Variants in KIF26B observed in about 807,000 individuals in gnomAD.
KIF26B encodes the protein kinesin-like protein KIF26B.
Under a neutral mutation model 151.2 loss-of-function variants are expected in KIF26B, and 63 were observed. That is an observed-to-expected ratio of 0.42 (90% CI 0.34 to 0.51). The LOEUF is 0.51. KIF26B is among the 20% of genes least tolerant of loss of function. The pLI is 0.07. For synonymous variants in KIF26B, 1,357 were observed against 1,262.1 expected, an observed-to-expected ratio of 1.08 and a Z score of -1.59; for missense variants, 2,813 against 2,913.6, an observed-to-expected ratio of 0.97 and a Z score of 0.79.
intron 10 of KIF26B, among the ~76,000 whole-genome samples, chr1:245,660,679 A>G (rs1451852265): frequency 1.3e-5 from 2 of 152,088 alleles, no homozygotes; most frequent in African/African-American, 4.8e-5. Flanking sequence ...TAAGGTGGCT[A>G]CTTAGCTTGG....
intron 3 of KIF26B, among the ~76,000 whole-genome samples, chr1:245,400,159 A>T (rs542688037): frequency 3.3e-5 from 5 of 152,288 alleles, no homozygotes; most frequent in African/African-American, 1.2e-4. Flanking sequence ...CTGAGGGTGC[A>T]ATTTTATATA....
At chr1:245,616,301 G>A (rs76261752) in intron 9 of KIF26B, among the ~76,000 whole-genome samples, 1,630 of 152,292 alleles carry the variant, frequency 0.011, 33 homozygotes, top group African/African-American at 0.036. Context: ...CAGCCTCATG[G>A]AGGCCTTCCT....
chr1:245,530,502 T>C (rs1464200273), intron 4 of KIF26B, among the ~76,000 whole-genome samples: 1 of 152,200 alleles, frequency 6.6e-6, no homozygotes, highest in Non-Finnish European at 1.5e-5. Flanking sequence ...TCTTCAGCCA[T>C]AAAGAAGAAT....
intron 2 of KIF26B, among the ~76,000 whole-genome samples, chr1:245,350,031 C>T (rs558273166): frequency 6.6e-5 from 10 of 151,442 alleles, no homozygotes; most frequent in African/African-American, 2.2e-4. Flanking sequence ...CAAAAAAGTG[C>T]AGAGAGTATA....
chr1:245,613,311 A>T (rs1455659703), intron 9 of KIF26B, among the ~76,000 whole-genome samples: 5 of 152,186 alleles, frequency 3.3e-5, no homozygotes, highest in Admixed American at 6.5e-5. Flanking sequence ...GAATGAAGAC[A>T]TCCAAGTAGG....
intron 2 of KIF26B, among the ~76,000 whole-genome samples, chr1:245,333,741 T>C (rs1482508593): frequency 6.6e-6 from 1 of 152,246 alleles, no homozygotes; most frequent in East Asian, 1.9e-4. Context: ...CTCATACCTG[T>C]AATCCCAGCA....
intron 4 of KIF26B, among the ~76,000 whole-genome samples, chr1:245,539,730 G>A (rs973368257): frequency 1.3e-5 from 2 of 152,152 alleles, no homozygotes; most frequent in Non-Finnish European, 2.9e-5. Flanking sequence ...TGGGCTCACT[G>A]CAACCTCCGC....
rs537542978 is a variant in KIF26B, at chr1:245,268,197, C to T, written c.466-98637C>T. On this transcript the variant is annotated intron_variant, in intron 2 of 14. Transcript: ENST00000407071. The stretch of plus-strand genomic sequence containing the variant: ...TAAAGAAATAATAACAGGCCTGGCG[C>T]GGTGGCTCATGCCTGTAATCCCAGC... Among the ~76,000 whole-genome samples, 289 of 152,002 alleles carry T rather than the reference C, an allele frequency of 1.9e-3. 2 individuals are homozygous for T. Among genetic ancestry groups the T allele is most frequent in the African/African-American group, 6.5e-3 (268 of 41,440 alleles).
chr1:245,389,478 G>A (rs1333007823), intron 3 of KIF26B, among the ~76,000 whole-genome samples: 1 of 151,604 alleles, frequency 6.6e-6, no homozygotes, highest in African/African-American at 2.4e-5. Context: ...CAGTCTTCCT[G>A]GCAGAACTGG....
chr1:245,369,195 G>GAGAGAGAGAGACAGACAGACAGAC (rs375330671), intron 3 of KIF26B, among the ~76,000 whole-genome samples: 6 of 129,504 alleles, frequency 4.6e-5, no homozygotes, highest in Admixed American at 7.5e-5. Flanking sequence ...GAGAGAGAGA[G>GAGAGAGAGAGACAGACAGACAGAC]AGACAGACAG....
Position 245,296,975 on chromosome 1 carries a change from C to T in KIF26B, c.466-69859C>T, listed in dbSNP as rs118116868. 2.4e-3 allele frequency among the ~76,000 whole-genome samples: 371 copies of T among 152,266 alleles called. 6 individuals carry two copies. In the East Asian group the frequency reaches 0.049, roughly 20 times the overall value. The stretch of plus-strand genomic sequence containing the variant: ...TATATGCTGAAGCAAGCAGAACTGA[C>T]CTACCCAAACTTAATAGTATGAACT... On this transcript the variant is annotated intron_variant, in intron 2 of 14. Transcript: ENST00000407071.
intron 6 of KIF26B, among the ~76,000 whole-genome samples, chr1:245,603,535 G>T (rs1435792194): frequency 1.3e-5 from 2 of 152,194 alleles, no homozygotes; most frequent in South Asian, 4.1e-4. Context: ...GGCGAAATAA[G>T]ATCATCCTAT....
intron 10 of KIF26B, among the ~76,000 whole-genome samples, chr1:245,679,641 G>C (rs982386544): frequency 6.6e-6 from 1 of 151,686 alleles, no homozygotes. Context: ...GATAATTTTT[G>C]TATTTTTAGT....
chr1:245,575,097 C>T (rs76511649), intron 5 of KIF26B, among the ~76,000 whole-genome samples: 11,008 of 151,212 alleles, frequency 0.073, 567 homozygotes, highest in East Asian at 0.2. Context: ...CATCTCCTGA[C>T]CTTGTGATCC....
intron 4 of KIF26B, among the ~76,000 whole-genome samples, chr1:245,522,103 T>A (rs969842663): frequency 6.6e-6 from 1 of 152,088 alleles, no homozygotes; most frequent in African/African-American, 2.4e-5. Context: ...TCTCCTGACC[T>A]CATGATCTGC....
chr1:245,162,448 T>C (rs1409109510), intron 2 of KIF26B, among the ~76,000 whole-genome samples: 10 of 141,216 alleles, frequency 7.1e-5, no homozygotes, highest in Admixed American at 6.9e-4. Context: ...TACAGTGGCG[T>C]GATCTCGGCT....
chr1:245,678,638 A>C (rs544854169), intron 10 of KIF26B, among the ~76,000 whole-genome samples: 116 of 152,080 alleles, frequency 7.6e-4, no homozygotes, highest in African/African-American at 2.4e-3. Flanking sequence ...CCAAGGAGGG[A>C]GGATCACGAG....
chr1:245,649,477 CA>C (rs1372175322), intron 10 of KIF26B, among the ~76,000 whole-genome samples: 1 of 152,206 alleles, frequency 6.6e-6, no homozygotes, highest in Non-Finnish European at 1.5e-5. Flanking sequence ...TCAATTCCGT[CA>C]GTGCTCTGAA....
At chr1:245,637,582 T>C (rs1231719047) in intron 9 of KIF26B, among the ~76,000 whole-genome samples, 1 of 151,930 alleles carries the variant, frequency 6.6e-6, no homozygotes, top group Non-Finnish European at 1.5e-5. Context: ...CCCAAAAATA[T>C]TCGCCAATGT....
Sources: gnomAD v4.1 joint callset for allele counts (sites outside exome capture counted in the v4.1 genomes callset) on GRCh38, gnomAD v4.1.1 for gene constraint, MANE v1.5 for transcripts, NCBI Gene and HGNC (gene_info 2026-07-23, HGNC 2026-07-21) for gene names.